Variants in IL10RB observed in about 807,000 individuals in gnomAD.
IL10RB encodes interleukin-10 receptor subunit beta.
Under a neutral mutation model 38.7 loss-of-function variants are expected in IL10RB, and 30 were observed. The ratio of observed to expected loss-of-function variants is 0.78; its 90% confidence interval spans 0.58 to 1.05. IL10RB has a LOEUF of 1.05. IL10RB is among the 50% of genes least tolerant of loss of function. IL10RB has a pLI of 0.00. For synonymous variants in IL10RB, 142 were observed against 145.9 expected (o/e 0.97, Z 0.19); for missense variants, 328 against 397.1 (o/e 0.83, Z 1.48).
chr21:33,281,030 C>G (rs1989271040), intron 4 of IL10RB, among the ~76,000 whole-genome samples: 1 of 152,208 alleles, frequency 6.6e-6, no homozygotes, highest in African/African-American at 2.4e-5. Context: ...AAGGCACCAG[C>G]AGATTCAGTG....
chr21:33,292,282 C>A (rs1043087850), intron 6 of IL10RB, among the ~76,000 whole-genome samples: 4 of 152,172 alleles, frequency 2.6e-5, no homozygotes, highest in African/African-American at 9.7e-5. Context: ...CAAAGCTCTG[C>A]CCGTGGGGAC....
chr21:33,279,364 A>T (rs991312302), intron 3 of IL10RB, among the ~76,000 whole-genome samples: 2 of 152,244 alleles, frequency 1.3e-5, no homozygotes, highest in Non-Finnish European at 2.9e-5. Context: ...TGCCATCTGT[A>T]GCTTCCATCC....
At chr21:33,303,036 G>A (rs538118213) in intron 1 of IL10RB, among the ~76,000 whole-genome samples, 1 of 152,306 alleles carries the variant, frequency 6.6e-6, no homozygotes, top group Admixed American at 6.5e-5. Context: ...TGTGTTCCCA[G>A]CCTTGCACGT....
chr21:33,306,901 G>T (rs532542417), intron 1 of IL10RB, among the ~76,000 whole-genome samples: 2 of 152,230 alleles, frequency 1.3e-5, no homozygotes, highest in South Asian at 4.1e-4. Flanking sequence ...TTAAAATCGG[G>T]TAAGTTTAGC....
chr21:33,305,601 A>G lies in IL10RB; in HGVS notation c.130-3375A>G, dbSNP rs868427692. Reference sequence around the variant, plus strand: ...GCAGGGTGAAGGGAAACCAAAAAACAATACAGTAGCAATAGTGGGAAGCTC... The same window carrying G: ...GCAGGGTGAAGGGAAACCAAAAAACGATACAGTAGCAATAGTGGGAAGCTC... On this transcript the variant is annotated intron_variant, in intron 1 of 1. Transcript: ENST00000609556. Among the ~76,000 whole-genome samples the G allele has an allele frequency of 9.2e-5, 14 of 152,304 alleles. No individual in the cohort carries two copies. The South Asian group carries it at 1.5e-3, about 16-fold the overall frequency.
At chr21:33,307,465 T>C (rs1159411358) in intron 1 of IL10RB, among the ~76,000 whole-genome samples, 2 of 152,200 alleles carry the variant, frequency 1.3e-5, no homozygotes, top group Non-Finnish European at 2.9e-5. Flanking sequence ...GTCTTGCAGC[T>C]GCCCAAGACC....
At chr21:33,273,307 G>A (rs964069905) in intron 2 of IL10RB, among the ~76,000 whole-genome samples, 1 of 152,190 alleles carries the variant, frequency 6.6e-6, no homozygotes, top group Admixed American at 6.5e-5. Context: ...CCACAATAGA[G>A]TGAGTCACAT....
chr21:33,297,873 G>A (rs59380528), downstream of IL10RB, among the ~76,000 whole-genome samples: 11,400 of 152,042 alleles, frequency 0.075, 1,401 homozygotes, highest in African/African-American at 0.26. Flanking sequence ...AAAAGGAAGG[G>A]TATTAGGGTT....
chr21:33,300,138 A>C (rs117107608), downstream of IL10RB, among the ~76,000 whole-genome samples: 1,178 of 152,276 alleles, frequency 7.7e-3, 13 homozygotes, highest in African/African-American at 0.025. Context: ...TTGTTGAATT[A>C]ATGGATAATA....
In IL10RB at chr21:33,296,290, G is replaced by A. The variant is rs762692366; in HGVS notation, c.911G>A (p.Ser304Asn). The change falls in exon 7 of 7, where the codon AGC becomes AAC. Residue 304 changes from serine to asparagine, a missense_variant. By Grantham distance (46) the Ser-to-Asn change is conservative. Coordinates refer to ENST00000290200, the MANE Select transcript of IL10RB (RefSeq NM_000628.5). ...KLSVIAEDSE[S>N]GKQNPGDSCS... ...AGTGTCATTGCAGAAGACTCTGAGA[G>A]CGGCAAGCAGAATCCTGGTGACAGC... 26 of 1,614,054 alleles carry A rather than the reference G, an allele frequency of 1.6e-5. No individual in the cohort carries two copies. The East Asian group carries it at 4.9e-4, about 30-fold the overall frequency.
rs754457615 is a variant in IL10RB at position 33,288,371 on chromosome 21, A to G, written c.804+110A>G. 1.4e-4 allele frequency: 105 copies of G among 731,106 alleles called. 1 individual carries two copies. Among genetic ancestry groups the G allele is most frequent in the African/African-American group, 3.8e-4 (21 of 55,640 alleles). 45.3% of individuals were successfully genotyped at this position (731,106 alleles called of 1,614,324 possible). A position where few individuals can be genotyped will look rare whatever the true frequency, so the allele number is the denominator to read the frequency against. On this transcript the variant is annotated intron_variant, in intron 6 of 6. Transcript: ENST00000290200. ...CAACATGTTTTCCAGGAAAACACAC[A>G]CGCGCGCGCGCACACACACACACAC...
At chr21:33,308,109 T>A (rs1370575227) in intron 1 of IL10RB, 1 of 152,214 alleles carries the variant, frequency 6.6e-6, no homozygotes, top group Non-Finnish European at 1.5e-5. Flanking sequence ...TTTCCCATCT[T>A]TCAGATTTCC....
chr21:33,283,151 A>G lies in IL10RB; in HGVS notation c.556A>G (p.Thr186Ala), dbSNP rs1464997227. ...EVLRNLEPWTTYCVQVRGFLP... is the reference protein window; with the variant it reads ...EVLRNLEPWTAYCVQVRGFLP... ...CCTCAGAAACCTGGAGCCATGGACA[A>G]CTTATTGTGTTCAAGTTCGAGGGTT... is the stretch of plus-strand genomic sequence containing the variant. The change falls in exon 5 of 7, where the codon ACT becomes GCT. Residue 186 changes from threonine (T) to alanine (A), a missense_variant. Physicochemically the swap from Thr to Ala is moderately conservative, Grantham distance 58. Coordinates refer to ENST00000290200, the MANE Select transcript of IL10RB (RefSeq NM_000628.5). The G allele has an allele frequency of 1.2e-6, 2 of 1,613,810 alleles. No homozygotes were observed. Among genetic ancestry groups the G allele is most frequent in the East Asian group, 2.2e-5 (1 of 44,896 alleles).
rs746703321 is a variant in IL10RB, at chr21:33,283,179, T to A, written c.584T>A (p.Leu195His). 6.2e-7 allele frequency: 1 copy of A among 1,614,170 alleles called. No homozygotes were observed. Among genetic ancestry groups the A allele is most frequent in the South Asian group, 1.1e-5 (1 of 91,088 alleles). The change falls in exon 5 of 7, where the codon CTT (leucine) becomes CAT (histidine). Residue 195 changes from leucine to histidine, a missense_variant. Physicochemically the swap from Leu to His is moderately conservative, Grantham distance 99. Coordinates refer to ENST00000290200, the MANE Select transcript of IL10RB (RefSeq NM_000628.5). The part of the protein sequence containing the change: ...TTYCVQVRGF[L>H]PDRNKAGEWS... ...TATTGTGTTCAAGTTCGAGGGTTTCTTCCTGATCGGAACAAAGCTGGGGAA... is the reference window on the plus strand; with the variant it reads ...TATTGTGTTCAAGTTCGAGGGTTTCATCCTGATCGGAACAAAGCTGGGGAA...
At chr21:33,301,973 C>T (rs1490117059), downstream of IL10RB, among the ~76,000 whole-genome samples, 1 of 152,176 alleles carries the variant, frequency 6.6e-6, no homozygotes, top group African/African-American at 2.4e-5. Context: ...TGCCAATGAC[C>T]TGCTTCTACC....
At chr21:33,286,355 C>G (rs1989374894) in intron 5 of IL10RB, among the ~76,000 whole-genome samples, 1 of 152,176 alleles carries the variant, frequency 6.6e-6, no homozygotes, top group Non-Finnish European at 1.5e-5. Flanking sequence ...GAGCCAAATG[C>G]TGTGCTCGTG....
In IL10RB at chr21:33,276,693, G is replaced by T; in HGVS notation, c.271G>T (p.Ala91Ser). Residue 91 changes from alanine to serine, a missense_variant, in exon 3 of 7, where the codon GCT (alanine) becomes TCT (serine). By Grantham distance (99) the Ala-to-Ser change is moderately conservative. Coordinates refer to ENST00000290200, the MANE Select transcript of IL10RB (RefSeq NM_000628.5). ...TGGTGACCACACCTTGAGAGTCAGG[G>T]CTGAATTTGCAGATGAGCATTCAGA... ...KYGDHTLRVR[A>S]EFADEHSDWV... The T allele has an allele frequency of 1.2e-6, 2 of 1,613,660 alleles. No homozygotes were observed. Among genetic ancestry groups the T allele is most frequent in the Non-Finnish European group, 1.7e-6 (2 of 1,179,566 alleles).
chr21:33,268,311 G>C (rs1440846116), intron 1 of IL10RB, 83 bp from the exon 2 acceptor site: 2 of 1,601,996 alleles, frequency 1.2e-6, no homozygotes, highest in Non-Finnish European at 1.7e-6. Flanking sequence ...CCATAGAGGA[G>C]AACCAAGTGC....
In IL10RB at chr21:33,305,470, A is replaced by G. The variant is rs2082996812; in HGVS notation, c.130-3506A>G. 2.0e-5 allele frequency among the ~76,000 whole-genome samples: 3 copies of G among 152,260 alleles called. No individual in the cohort carries two copies. In the South Asian group the frequency reaches 6.2e-4, roughly 32 times the overall value. The stretch of plus-strand genomic sequence containing the variant: ...TAAGCAAAGGTCACTCTCACTTCCT[A>G]GGTCATGACCTATCAATAGGTCAGA... On this transcript the variant is annotated intron_variant, in intron 1 of 1. Transcript: ENST00000609556.
Sources: gnomAD v4.1 joint callset for allele counts (sites outside exome capture counted in the v4.1 genomes callset) on GRCh38, gnomAD v4.1.1 for gene constraint, MANE v1.5 for transcripts, NCBI Gene and HGNC (gene_info 2026-07-23, HGNC 2026-07-21) for gene names.